The following ABCA13 variants were observed in gnomAD, a reference collection of about 807,000 sequenced individuals.
ABCA13 encodes ATP-binding cassette sub-family A member 13.
ABCA13 carries 476 observed loss-of-function variants against 478.7 expected under a neutral mutation model. The ratio of observed to expected loss-of-function variants is 0.99; its 90% CI spans 0.92 to 1.07. The LOEUF is 1.07. Among genes scored for constraint, ABCA13 ranks in the 50% least tolerant of loss-of-function variants. The probability of loss-of-function intolerance (pLI) is 0.00; values close to 1 mark genes in which losing one functional copy is unlikely to be tolerated. For missense variants in ABCA13, 6,060 were observed against 5,910.6 expected (o/e 1.03, Z -0.83); for synonymous variants, 2,252 against 2,158.9 (o/e 1.04, Z -1.20).
Position 48,274,586 on chromosome 7 carries a change from C to A in ABCA13, c.4920C>A (p.Asn1640Lys). Residue 1640 changes from asparagine (N) to lysine (K), a missense_variant, in exon 17 of 62, where the codon AAC becomes AAA. Around this residue, in one of 3 missense-constraint regions of ABCA13, gnomAD observed 4,423 missense variants for 4,309.1 expected, o/e 1.03. Transcript: ENST00000435803. ...LGIQLIRDVF[N>K]SLMPVVHHTS... ...TTCAACTGATAAGGGATGTGTTCAACTCCTTAATGCCTGTAGTTCATCACA... is the reference window on the plus strand; with the variant it reads ...TTCAACTGATAAGGGATGTGTTCAAATCCTTAATGCCTGTAGTTCATCACA... 1.2e-6 allele frequency: 2 copies of A among 1,613,938 alleles called. No individual in the cohort carries two copies. The highest frequency in any genetic ancestry group is 1.7e-6 in the Non-Finnish European group (2 of 1,179,848).
chr7:48,469,172 A>G (rs1421729590), intron 44 of ABCA13, among the ~76,000 whole-genome samples: 1 of 152,220 alleles, frequency 6.6e-6, no homozygotes, highest in Non-Finnish European at 1.5e-5. Flanking sequence ...GGGGAGATGG[A>G]TAAGGTTTAT....
At chr7:48,289,077 T>C (rs1401954906) in intron 20 of ABCA13, among the ~76,000 whole-genome samples, 1 of 152,158 alleles carries the variant, frequency 6.6e-6, no homozygotes, top group Non-Finnish European at 1.5e-5. Context: ...AGATGAGAGA[T>C]AGCCATGCCA....
At chr7:48,317,132 T>A (rs773706192) in intron 26 of ABCA13, 25 bp from the exon 27 acceptor site, 1 of 1,596,134 alleles carries the variant, frequency 6.3e-7, no homozygotes, top group African/African-American at 1.4e-5. Context: ...ATTAGCAACT[T>A]TTTTTTTCTT....
At chr7:48,642,061 A>G (rs543537103) in intron 59 of ABCA13, among the ~76,000 whole-genome samples, 1 of 152,248 alleles carries the variant, frequency 6.6e-6, no homozygotes, top group African/African-American at 2.4e-5. Flanking sequence ...GTCCTCACCA[A>G]CCTCTCAGCC....
chr7:48,453,548 G>A (rs991578716), intron 42 of ABCA13, among the ~76,000 whole-genome samples: 1 of 152,248 alleles, frequency 6.6e-6, no homozygotes, highest in South Asian at 2.1e-4. Context: ...CCTGCCACTT[G>A]CTACACGGAT....
At chr7:48,175,238 A>T (rs542888124) in intron 1 of ABCA13, among the ~76,000 whole-genome samples, 1 of 152,104 alleles carries the variant, frequency 6.6e-6, no homozygotes, top group African/African-American at 2.4e-5. Context: ...TTTAATTTTA[A>T]TTTTTTTAAA....
intron 3 of ABCA13, among the ~76,000 whole-genome samples, chr7:48,208,786 G>T (rs1473113215): frequency 6.6e-6 from 1 of 151,952 alleles, no homozygotes; most frequent in Non-Finnish European, 1.5e-5. Context: ...TTCCAATTTG[G>T]ATTCCCTTTA....
rs140373105 is a variant in ABCA13, at chr7:48,380,381, G to A, written c.11335+3809G>A. On this transcript the variant is annotated intron_variant, in intron 35 of 61. Coordinates refer to ENST00000435803, the MANE Select transcript of ABCA13 (RefSeq NM_152701.5). Reference sequence around the variant, plus strand: ...GACATACTGCATTGCAAACTCAAACGCAGTGAGTGACATCACTATTGATGG... The same window carrying A: ...GACATACTGCATTGCAAACTCAAACACAGTGAGTGACATCACTATTGATGG... Among the ~76,000 whole-genome samples the A allele has an allele frequency of 2.5e-3, 381 of 152,270 alleles. 1 individual carries two copies. Among genetic ancestry groups the A allele is most frequent in the African/African-American group, 8.7e-3 (361 of 41,550 alleles).
intron 10 of ABCA13, among the ~76,000 whole-genome samples, chr7:48,243,275 G>A (rs1562863387): frequency 6.6e-6 from 1 of 152,244 alleles, no homozygotes; most frequent in Non-Finnish European, 1.5e-5. Flanking sequence ...AAGCCACACA[G>A]CATTTCTTTT....
At position 48,271,986 on chromosome 7, in the gene ABCA13, T is replaced by C; in HGVS notation, c.2320T>C (p.Trp774Arg). The change falls in exon 17 of 62, where the codon TGG (tryptophan) becomes CGG (arginine). Residue 774 changes from tryptophan to arginine, a missense_variant. By Grantham distance (101) the Trp-to-Arg change is moderately radical. This residue lies in a region of ABCA13 where 4,423 missense variants were observed against 4,309.1 expected (regional missense o/e 1.03). Transcript: ENST00000435803. ...GGATATTCTGAATATAAGTTCTCTG[T>C]GGACAAATCATTTAAAAAGTTTAAA... ...TEDILNISSLWTNHLKSLKRD... is the reference protein window; with the variant it reads ...TEDILNISSLRTNHLKSLKRD... The C allele has an allele frequency of 1.2e-6, 2 of 1,613,672 alleles. No individual in the cohort carries two copies. Among genetic ancestry groups the C allele is most frequent in the African/African-American group, 1.3e-5 (1 of 75,042 alleles).
chr7:48,396,832 G>A (rs182906037), intron 38 of ABCA13, among the ~76,000 whole-genome samples: 8 of 152,276 alleles, frequency 5.3e-5, no homozygotes, highest in East Asian at 1.9e-4. Context: ...ATGAAGGATC[G>A]CTGGTGCATT....
At chr7:48,562,819 G>A (rs190121046) in intron 55 of ABCA13, among the ~76,000 whole-genome samples, 6 of 152,146 alleles carry the variant, frequency 3.9e-5, no homozygotes, top group Admixed American at 6.5e-5. Flanking sequence ...CTGTGAATAC[G>A]GTAGATGGTT....
chr7:48,643,361 T>A lies in ABCA13; in HGVS notation c.14911T>A (p.Leu4971Met). The change falls in exon 60 of 62, where the codon TTG (leucine) becomes ATG (methionine). Residue 4971 changes from leucine to methionine, a missense_variant. Transcript: ENST00000435803. Reference protein sequence around the residue: ...ANQHCTVSDHLKLYFPGIQFK... With the variant: ...ANQHCTVSDHMKLYFPGIQFK... ...TCAACATTGCACTGTTTCTGACCAC[T>A]TGAAGCTTTATTTTCCAGGAATTCA... 1.2e-6 allele frequency: 2 copies of A among 1,613,760 alleles called. No individual in the cohort carries two copies. The highest frequency in any genetic ancestry group is 2.2e-5 in the South Asian group (2 of 91,044).
chr7:48,592,132 T>C (rs1408660502), intron 57 of ABCA13, among the ~76,000 whole-genome samples: 1 of 151,918 alleles, frequency 6.6e-6, no homozygotes. Context: ...CTGCTAACTT[T>C]GGGATTAGTT....
At chr7:48,229,716 G>T in intron 6 of ABCA13, 109 bp from the exon 7 acceptor site, 1 of 1,311,452 alleles carries the variant, frequency 7.6e-7, no homozygotes, top group Non-Finnish European at 1.1e-6. Flanking sequence ...GCCACATCTT[G>T]CAACAGCACT....
At chr7:48,537,115 ATTAAT>A (rs1053261221) in intron 55 of ABCA13, among the ~76,000 whole-genome samples, 1 of 152,150 alleles carries the variant, frequency 6.6e-6, no homozygotes, top group Non-Finnish European at 1.5e-5. Context: ...AGGATGAAAT[ATTAAT>A]TTATTTAGAA....
chr7:48,275,020 A>G lies in ABCA13; in HGVS notation c.5354A>G (p.Asn1785Ser), dbSNP rs1327415842. The G allele has an allele frequency of 6.2e-7, 1 of 1,613,948 alleles. No individual in the cohort carries two copies. Residue 1785 changes from asparagine (N) to serine (S), a missense_variant, in exon 17 of 62, where the codon AAT (asparagine) becomes AGT (serine). By Grantham distance (46) the Asn-to-Ser change is conservative (BLOSUM62 1). Transcript: ENST00000435803. ...CTCCTTCATGGCATAACCATTTCAA[A>G]TATCACCAAGGAAGACTTCGCAATT... ...FTLLHGITISNITKEDFAIVI... is the reference protein window; with the variant it reads ...FTLLHGITISSITKEDFAIVI...
chr7:48,355,436 G>A (rs1441433224), intron 31 of ABCA13, among the ~76,000 whole-genome samples: 1 of 151,972 alleles, frequency 6.6e-6, no homozygotes, highest in African/African-American at 2.4e-5. Flanking sequence ...AGAGCTGATT[G>A]TAGATTGCAT....
intron 3 of ABCA13, among the ~76,000 whole-genome samples, chr7:48,201,761 GT>G (rs1182207189): frequency 6.6e-6 from 1 of 152,188 alleles, no homozygotes; most frequent in African/African-American, 2.4e-5. Flanking sequence ...AGTTAATTTA[GT>G]TCATAATGTG....
Sources: allele counts gnomAD v4.1 joint callset (sites outside exome capture counted in the v4.1 genomes callset), GRCh38; gene constraint gnomAD v4.1.1; regional missense constraint gnomAD v4.1.1; transcripts MANE v1.5; gene names NCBI Gene and HGNC (gene_info 2026-07-23, HGNC 2026-07-21).